Variants in NDUFA10 observed in about 807,000 individuals in gnomAD.
NDUFA10 encodes NADH:ubiquinone oxidoreductase subunit A10.
NDUFA10 carries 40 observed loss-of-function variants against 47.8 expected under a neutral mutation model. The observed-to-expected ratio is 0.84, with a 90% CI of 0.65 to 1.09. The LOEUF is 1.09. Among genes scored for constraint, NDUFA10 ranks in the 50% least tolerant of loss-of-function variants. NDUFA10 has a pLI of 0.00. For missense variants in NDUFA10, 413 were observed against 451.1 expected (o/e 0.92, Z 0.76); for synonymous variants, 183 against 172.2 (o/e 1.06, Z -0.49).
chr2:239,935,747 T>C (rs1694254132), intron 4 of NDUFA10, among the ~76,000 whole-genome samples: 1 of 152,240 alleles, frequency 6.6e-6, no homozygotes, highest in African/African-American at 2.4e-5. Context: ...GATGGTTTTA[T>C]AGGGGAAACT....
chr2:239,976,309 G>A (rs958139819), intron 9 of NDUFA10, among the ~76,000 whole-genome samples: 2 of 151,890 alleles, frequency 1.3e-5, no homozygotes, highest in Admixed American at 6.6e-5. Context: ...GTGCGATCTC[G>A]CCCCACTCGC....
At chr2:239,930,934 G>A (rs149351194) in intron 4 of NDUFA10, among the ~76,000 whole-genome samples, 3,124 of 125,684 alleles carry the variant, frequency 0.025, 129 homozygotes, top group East Asian at 0.081. Flanking sequence ...CCTGGTGGAC[G>A]GGTACAGCAT....
chr2:239,942,009 T>C (rs941128884), intron 4 of NDUFA10, among the ~76,000 whole-genome samples: 1 of 152,208 alleles, frequency 6.6e-6, no homozygotes, highest in East Asian at 1.9e-4. Flanking sequence ...TCCTCTGAAA[T>C]GAGAAAAACA....
At chr2:240,009,371 C>T (rs1007838667) in intron 6 of NDUFA10, among the ~76,000 whole-genome samples, 1 of 152,128 alleles carries the variant, frequency 6.6e-6, no homozygotes, top group African/African-American at 2.4e-5. Flanking sequence ...ATATGTTGAA[C>T]GCGGGAATGG....
At chr2:240,023,372 G>C (rs1697720527) in intron 1 of NDUFA10, among the ~76,000 whole-genome samples, 1 of 152,106 alleles carries the variant, frequency 6.6e-6, no homozygotes, top group Non-Finnish European at 1.5e-5. Flanking sequence ...TATTAACAAG[G>C]AAACATTAGT....
rs1697358662 is a variant in NDUFA10 at position 240,016,585 on chromosome 2, C to A, written c.548-1725G>T. On this transcript the variant is annotated intron_variant, in intron 4 of 9. Transcript: ENST00000252711. This position sits in a 1 kb window ranked among gnomAD's most constrained non-coding sequence, Gnocchi z 4.4. ...AGAGTCACAGCACATGTGACACCAA[C>A]AACCAACCCTCCCCACATCCCCTCT... Among the ~76,000 whole-genome samples, 1 of 152,184 alleles carries A rather than the reference C, an allele frequency of 6.6e-6. No individual in the cohort carries two copies. The highest frequency in any genetic ancestry group is 2.1e-4 in the South Asian group (1 of 4,830).
At chr2:239,937,374 C>A (rs1694282476) in intron 4 of NDUFA10, among the ~76,000 whole-genome samples, 1 of 152,206 alleles carries the variant, frequency 6.6e-6, no homozygotes, top group Non-Finnish European at 1.5e-5. Flanking sequence ...ACTGCCCGTT[C>A]CCCTTCCTCC....
chr2:240,014,536 G>T, intron 5 of NDUFA10: 2 of 728,288 alleles, frequency 2.7e-6, no homozygotes, highest in East Asian at 3.0e-5. Context: ...TGGGCGGCAG[G>T]CCCGCAGGCT....
At chr2:240,000,899 C>T (rs917946502) in intron 8 of NDUFA10, among the ~76,000 whole-genome samples, 2 of 152,252 alleles carry the variant, frequency 1.3e-5, no homozygotes, top group Non-Finnish European at 2.9e-5. Flanking sequence ...TAAACACACA[C>T]TATGATGTTT....
chr2:239,925,993 C>G (rs1047761140), intron 4 of NDUFA10, among the ~76,000 whole-genome samples: 3 of 152,196 alleles, frequency 2.0e-5, no homozygotes, highest in Admixed American at 1.3e-4. Context: ...AGAGACCACA[C>G]CAAAGCCTGA....
In NDUFA10 at chr2:240,018,578, G is replaced by A. The variant is rs764929127; in HGVS notation, c.522C>T (p.Tyr174=). The change falls in exon 4 of 10, where the codon TAC becomes TAT. Residue 174 remains tyrosine, a synonymous_variant. Transcript: ENST00000252711. ...ACTGCTTTCGGATGAATCCCTGGTT[G>A]TACATCGCCTCCAGGAACACAAAGT... ...FSDFVFLEAM[Y]NQGFIRKQCV... The A allele has an allele frequency of 1.9e-6, 3 of 1,614,182 alleles. No homozygotes were observed. Among genetic ancestry groups the A allele is most frequent in the South Asian group, 2.2e-5 (2 of 91,088 alleles).
At chr2:239,922,866 C>T (rs995495711) in intron 4 of NDUFA10, among the ~76,000 whole-genome samples, 6 of 152,172 alleles carry the variant, frequency 3.9e-5, no homozygotes, top group Non-Finnish European at 7.3e-5. Context: ...GGATACCACA[C>T]CTTTGCGAAG....
chr2:240,007,307 T>C lies in NDUFA10; in HGVS notation c.804+9A>G, dbSNP rs1446011598. 4 of 1,576,478 alleles carry C rather than the reference T, an allele frequency of 2.5e-6. No individual in the cohort carries two copies. Among genetic ancestry groups the C allele is most frequent in the South Asian group, 1.1e-5 (1 of 90,088 alleles). On this transcript the variant is annotated intron_variant, in intron 7 of 9. Coordinates refer to ENST00000252711, the MANE Select transcript of NDUFA10 (RefSeq NM_004544.4). ...GGAATAACTTTCAACTTTTCAACCA[T>C]TTTCTTACCTTTTTTGAATCTTGAG...
chr2:239,992,749 T>C (rs1696303348), intron 8 of NDUFA10, among the ~76,000 whole-genome samples: 1 of 152,096 alleles, frequency 6.6e-6, no homozygotes, highest in East Asian at 1.9e-4. Flanking sequence ...GATGTGGATA[T>C]GAACAAGACT....
chr2:239,993,140 A>T (rs1477295592), intron 8 of NDUFA10, among the ~76,000 whole-genome samples: 1 of 152,212 alleles, frequency 6.6e-6, no homozygotes, highest in African/African-American at 2.4e-5. Context: ...GAATTACAGG[A>T]TCCTTCTCTA....
At chr2:240,004,785 A>C (rs1215583113) in intron 8 of NDUFA10, among the ~76,000 whole-genome samples, 1 of 152,082 alleles carries the variant, frequency 6.6e-6, no homozygotes, top group Non-Finnish European at 1.5e-5. Flanking sequence ...TCCTGGCCTC[A>C]CTTAGGCCTC....
chr2:239,952,601 C>T (rs948002448), downstream of NDUFA10, among the ~76,000 whole-genome samples: 1 of 148,464 alleles, frequency 6.7e-6, no homozygotes, highest in African/African-American at 2.6e-5. Context: ...AGCAGCCTCC[C>T]CTCTCTTCCT....
intron 4 of NDUFA10, among the ~76,000 whole-genome samples, chr2:239,904,544 G>C (rs13388158): frequency 0.81 from 123,486 of 151,750 alleles, 50,417 homozygotes; most frequent in East Asian, 0.97. Flanking sequence ...ATCTGCCTGT[G>C]TCAGCCTCCC....
Position 240,022,310 on chromosome 2 carries a change from G to A in NDUFA10, c.106C>T (p.Leu36=). ...RGIHSSVQCK[L]RYGMWHFLLG... is the part of the protein sequence containing the mutation. ...AGGAAATGCCACATTCCATAGCGCA[G>A]TTTGCACTGCACACTGCTATGAATT... Residue 36 remains leucine, a synonymous_variant, in exon 2 of 10, where the codon CTG becomes TTG. Coordinates refer to ENST00000252711, the MANE Select transcript of NDUFA10 (RefSeq NM_004544.4). 1 of 1,614,022 alleles carries A rather than the reference G, an allele frequency of 6.2e-7. No individual in the cohort carries two copies. The highest frequency in any genetic ancestry group is 8.5e-7 in the Non-Finnish European group (1 of 1,180,016).
Sources: allele counts gnomAD v4.1 joint callset (sites outside exome capture counted in the v4.1 genomes callset), GRCh38; gene constraint gnomAD v4.1.1; non-coding constraint Gnocchi (gnomAD v3.1); transcripts MANE v1.5; gene names NCBI Gene and HGNC (gene_info 2026-07-23, HGNC 2026-07-21).